The following STK32B variants were observed in gnomAD, a reference collection of about 807,000 sequenced individuals.
STK32B encodes the protein serine/threonine kinase 32B, also known as serine/threonine-protein kinase 32B.
STK32B carries 43 observed loss-of-function variants against 52.6 expected under a neutral mutation model. That is an observed-to-expected ratio of 0.82 (90% confidence interval 0.64 to 1.05). STK32B has a LOEUF of 1.05. Ranked by LOEUF, STK32B falls within the 50% of genes least tolerant of loss-of-function variation. STK32B has a pLI of 0.00. For missense variants in STK32B, 621 were observed against 534.6 expected (o/e 1.16, Z -1.59); for synonymous variants, 238 against 204.3 (o/e 1.17, Z -1.41).
intron 3 of STK32B, among the ~76,000 whole-genome samples, chr4:5,287,438 C>G (rs989426468): frequency 2.6e-4 from 39 of 152,074 alleles, no homozygotes; most frequent in Admixed American, 1.6e-3. Context: ...ACTCTTCAAG[C>G]CTTTTGCCCA....
chr4:5,332,594 C>T (rs530345975), intron 4 of STK32B, among the ~76,000 whole-genome samples: 13 of 152,056 alleles, frequency 8.5e-5, no homozygotes, highest in Non-Finnish European at 1.8e-4. Context: ...GTGCTGCACC[C>T]AATAACTCGT....
In STK32B at chr4:5,094,165, A is replaced by G. The variant is rs1713254685; in HGVS notation, c.52+42250A>G. Among the ~76,000 whole-genome samples, 4 of 152,344 alleles carry G rather than the reference A, an allele frequency of 2.6e-5. No individual in the cohort carries two copies. The South Asian group carries it at 8.3e-4, about 32-fold the overall frequency. The stretch of plus-strand genomic sequence containing the variant: ...AAGGAAGGCATACCCATAGAGTGTA[A>G]TGATTCAAGAAAAAGCCGTCACTAT... On this transcript the variant is annotated intron_variant, in intron 1 of 11. Transcript: ENST00000282908.
intron 4 of STK32B, among the ~76,000 whole-genome samples, chr4:5,351,314 T>C (rs1384775309): frequency 2.0e-5 from 3 of 152,114 alleles, no homozygotes; most frequent in African/African-American, 2.4e-5. Context: ...AGAGGAACTT[T>C]GGAAACTATA....
intron 2 of STK32B, among the ~76,000 whole-genome samples, chr4:5,152,238 C>T (rs185932635): frequency 1.1e-4 from 17 of 152,324 alleles, no homozygotes; most frequent in Admixed American, 3.3e-4. Flanking sequence ...GAAGAGATGG[C>T]GTTTTGTTGG....
rs191802020 is a variant in STK32B at position 5,453,747 on chromosome 4, T to G, written c.667-3060T>G. On this transcript the variant is annotated intron_variant, in intron 7 of 11. Coordinates refer to ENST00000282908, the MANE Select transcript of STK32B (RefSeq NM_018401.3). The surrounding 1 kb of genome is among the most constrained non-coding windows in gnomAD (Gnocchi z 4.0). ...GGTAAAACCCGGTCTCTACTAAAAA[T>G]AAAAAAGATTAGTGGGGCATGGTGA... is the stretch of plus-strand genomic sequence containing the variant. Among the ~76,000 whole-genome samples, 30 of 151,002 alleles carry G rather than the reference T, an allele frequency of 2.0e-4. No individual in the cohort carries two copies. The highest frequency in any genetic ancestry group is 6.9e-4 in the African/African-American group (28 of 40,678).
intron 2 of STK32B, among the ~76,000 whole-genome samples, chr4:5,159,426 T>C (rs1246193149): frequency 1.3e-5 from 2 of 148,580 alleles, no homozygotes; most frequent in Non-Finnish European, 3.0e-5. Flanking sequence ...GGTTCTCTAG[T>C]GAAACAGAAC....
chr4:5,094,071 C>G (rs1021152857), intron 1 of STK32B, among the ~76,000 whole-genome samples: 5 of 152,162 alleles, frequency 3.3e-5, no homozygotes, highest in African/African-American at 1.2e-4. Flanking sequence ...GAAAACCTTG[C>G]ACTTTTTGTG....
chr4:5,268,677 A>T (rs1347658738), intron 3 of STK32B, among the ~76,000 whole-genome samples: 1 of 151,648 alleles, frequency 6.6e-6, no homozygotes, highest in African/African-American at 2.4e-5. Flanking sequence ...GGATGCAGGG[A>T]CCTTCTGTCC....
At chr4:5,249,243 C>G (rs1385175612) in intron 3 of STK32B, among the ~76,000 whole-genome samples, 3 of 152,106 alleles carry the variant, frequency 2.0e-5, no homozygotes, top group Non-Finnish European at 2.9e-5. Context: ...CAAAAGAATT[C>G]TGGCCATCAG....
At chr4:5,385,747 C>G (rs980328912) in intron 4 of STK32B, among the ~76,000 whole-genome samples, 1 of 152,076 alleles carries the variant, frequency 6.6e-6, no homozygotes, top group Non-Finnish European at 1.5e-5. Context: ...TACACAGCCT[C>G]CTGTGCTGCT....
At chr4:5,370,996 G>GTGTGTGTGTATATA (rs570241863) in intron 4 of STK32B, among the ~76,000 whole-genome samples, 72 of 140,958 alleles carry the variant, frequency 5.1e-4, no homozygotes, top group Middle Eastern at 3.6e-3. Context: ...GTGTGTGTGT[G>GTGTGTGTGTATATA]TATATATATA....
chr4:5,371,085 A>G (rs945364200), intron 4 of STK32B, among the ~76,000 whole-genome samples: 2 of 151,806 alleles, frequency 1.3e-5, no homozygotes, highest in African/African-American at 4.8e-5. Flanking sequence ...TTAAAATGGT[A>G]GGGAAGACTT....
At chr4:5,195,207 T>A (rs1220446379) in intron 3 of STK32B, among the ~76,000 whole-genome samples, 1 of 152,170 alleles carries the variant, frequency 6.6e-6, no homozygotes, top group African/African-American at 2.4e-5. Flanking sequence ...ATATTTTCTT[T>A]GTGATTGGCA....
intron 3 of STK32B, among the ~76,000 whole-genome samples, chr4:5,241,460 T>G (rs1725018234): frequency 6.6e-6 from 1 of 152,218 alleles, no homozygotes; most frequent in African/African-American, 2.4e-5. Context: ...GAGGGCAACT[T>G]TACATAAATT....
At chr4:5,139,857 C>T in intron 1 of STK32B, 48 bp from the exon 2 acceptor site, 1 of 1,608,674 alleles carries the variant, frequency 6.2e-7, no homozygotes, top group Non-Finnish European at 8.5e-7. Context: ...AGGAGCAATA[C>T]CAGGTTTAGC....
rs1369319436 is a variant in STK32B, at chr4:5,470,622, C to T, written c.1106+2552C>T. Among the ~76,000 whole-genome samples the T allele has an allele frequency of 6.6e-6, 1 of 151,950 alleles. No individual in the cohort carries two copies. The highest frequency in any genetic ancestry group is 1.5e-5 in the Non-Finnish European group (1 of 68,026). On this transcript the variant is annotated intron_variant, in intron 11 of 11. Transcript: ENST00000282908. This position sits in a 1 kb window ranked among gnomAD's most constrained non-coding sequence, Gnocchi z 4.6. The stretch of plus-strand genomic sequence containing the variant: ...TGTCCCCCAAGATGCATCAGCCGAC[C>T]CCATCCCCACCTCATCTTGTGGGAA...
At position 5,446,734 on chromosome 4, in the gene STK32B, G is replaced by T. The variant is rs780603497; in HGVS notation, c.624G>T (p.Trp208Cys). The change falls in exon 7 of 12, where the codon TGG becomes TGT. Residue 208 changes from tryptophan to cysteine, a missense_variant. Transcript: ENST00000282908. ...CCGGATACTCGTACCCTGTCGACTG[G>T]TGGTCCCTGGGCATCACAGCCTATG... The part of the protein sequence containing the change: ...RGPGYSYPVD[W>C]WSLGITAYEL... The T allele has an allele frequency of 1.2e-6, 2 of 1,614,080 alleles. No individual in the cohort carries two copies. The highest frequency in any genetic ancestry group is 1.7e-6 in the Non-Finnish European group (2 of 1,180,014).
At chr4:5,390,462 G>A (rs1235030889) in intron 4 of STK32B, among the ~76,000 whole-genome samples, 4 of 152,206 alleles carry the variant, frequency 2.6e-5, no homozygotes, top group African/African-American at 9.7e-5. Context: ...GGAGGAGGCC[G>A]TGTTCAGCCC....
intron 3 of STK32B, among the ~76,000 whole-genome samples, chr4:5,286,412 G>C (rs1008853053): frequency 6.6e-6 from 1 of 152,116 alleles, no homozygotes; most frequent in Admixed American, 6.5e-5. Flanking sequence ...CACACTAAGT[G>C]TTCTCCATGT....
Sources: allele counts gnomAD v4.1 joint callset (sites outside exome capture counted in the v4.1 genomes callset), GRCh38; gene constraint gnomAD v4.1.1; non-coding constraint Gnocchi (gnomAD v3.1); transcripts MANE v1.5; gene names NCBI Gene and HGNC (gene_info 2026-07-23, HGNC 2026-07-21).